EDEM1: variants seen among roughly 807,000 people sequenced by gnomAD.
The protein encoded by EDEM1 is ER degradation enhancing alpha-mannosidase like protein 1, also known as ER degradation-enhancing alpha-mannosidase-like protein 1.
Under a neutral mutation model 74.4 loss-of-function variants are expected in EDEM1, and 67 were observed. The ratio of observed to expected loss-of-function variants is 0.90; its 90% CI spans 0.74 to 1.10. The LOEUF is 1.10. Among genes scored for constraint, EDEM1 ranks in the 50% least tolerant of loss-of-function variants. The pLI, the probability that EDEM1 is intolerant of heterozygous loss-of-function variation, is 0.00. For missense variants in EDEM1, 926 were observed against 851.6 expected (o/e 1.09, Z -1.09); for synonymous variants, 382 against 335.9 (o/e 1.14, Z -1.50).
chr3:5,189,557 G>GA (rs1030493319), intron 1 of EDEM1: 8 of 152,082 alleles, frequency 5.3e-5, no homozygotes, highest in Admixed American at 2.6e-4. Context: ...ATTTTTTTGA[G>GA]AAAAAATATT....
At chr3:5,211,465 G>A in intron 10 of EDEM1, 1 of 433,432 alleles carries the variant, frequency 2.3e-6, no homozygotes, top group South Asian at 2.2e-5. Flanking sequence ...GGAAATCCTG[G>A]TAACGATTGA....
intron 2 of EDEM1, among the ~76,000 whole-genome samples, chr3:5,196,697 A>G (rs376743280): frequency 3.3e-5 from 5 of 152,326 alleles, no homozygotes; most frequent in East Asian, 1.9e-4. Context: ...TAGTTTCCCA[A>G]TATCTCCTTC....
intron 11 of EDEM1, among the ~76,000 whole-genome samples, 200 bp from the exon 12 acceptor site, chr3:5,215,629 G>T (rs188481673): frequency 6.6e-6 from 1 of 152,316 alleles, no homozygotes; most frequent in Non-Finnish European, 1.5e-5. Flanking sequence ...CAGCTGAGGC[G>T]TAGGAGTTGC....
chr3:5,216,643 T>TA lies in EDEM1; in HGVS notation c.*726dup, dbSNP rs1488758135. ...TTGCCTCAAGTAATCTTTACAGTGT[T>TA]ACAAATTATTTGCTTAAGAAGAATG... On this transcript the variant is annotated 3_prime_UTR_variant, in exon 12 of 12. Coordinates refer to ENST00000256497, the MANE Select transcript of EDEM1 (RefSeq NM_014674.3). 3.3e-5 allele frequency: 5 copies of TA among 152,820 alleles called. No individual in the cohort carries two copies. The highest frequency in any genetic ancestry group is 5.9e-5 in the Non-Finnish European group (4 of 68,050). 9.5% of individuals were successfully genotyped at this position (152,820 alleles called of 1,614,324 possible).
rs1264831132 is a variant in EDEM1 at position 5,216,580 on chromosome 3, G to A, written c.*662G>A. 6.6e-6 allele frequency: 1 copy of A among 152,326 alleles called. No individual in the cohort carries two copies. The highest frequency in any genetic ancestry group is 1.5e-5 in the Non-Finnish European group (1 of 68,030). 9.4% of individuals were successfully genotyped at this position (152,326 alleles called of 1,614,324 possible). A position where few individuals can be genotyped will look rare whatever the true frequency, so the allele number is the denominator to read the frequency against. ...TCCCCTGATATCCAACCGTGATTTT[G>A]GATCACATGGGAGAAAAAGTCATCC... On this transcript the variant is annotated 3_prime_UTR_variant, in exon 12 of 12. Transcript: ENST00000256497.
rs767036564 is a variant in EDEM1, at chr3:5,188,108, C to T, written c.303C>T (p.Gly101=). The change falls in exon 1 of 12, where the codon GGC becomes GGT. Residue 101 remains glycine, a synonymous_variant. Transcript: ENST00000256497. The stretch of plus-strand genomic sequence containing the variant: ...GGATGTGCGGCCCAGCCAACTGGGG[C>T]TACGTGCTGGGCGGCCGGGGCCGCG... The part of the protein sequence containing the change: ...GPGMCGPANW[G]YVLGGRGRGP... 7.9e-6 allele frequency: 12 copies of T among 1,516,504 alleles called. 1 individual carries two copies. Among genetic ancestry groups the T allele is most frequent in the African/African-American group, 5.8e-5 (4 of 69,328 alleles). 93.9% of individuals were successfully genotyped at this position (1,516,504 alleles called of 1,614,324 possible). A position where few individuals can be genotyped will look rare whatever the true frequency, so the allele number is the denominator to read the frequency against.
intron 3 of EDEM1, among the ~76,000 whole-genome samples, chr3:5,200,043 C>T (rs1440480398): frequency 6.6e-6 from 1 of 150,530 alleles, no homozygotes; most frequent in East Asian, 2.0e-4. Context: ...TCAAGGCATT[C>T]TCATATCTCA....
intron 1 of EDEM1, among the ~76,000 whole-genome samples, chr3:5,194,241 A>G (rs1301359972): frequency 6.6e-6 from 1 of 152,194 alleles, no homozygotes; most frequent in Non-Finnish European, 1.5e-5. Context: ...GTTGCTAATA[A>G]AATCTTTAAA....
chr3:5,214,292 G>C (rs558444801), intron 11 of EDEM1, among the ~76,000 whole-genome samples: 1 of 152,222 alleles, frequency 6.6e-6, no homozygotes, highest in Non-Finnish European at 1.5e-5. Flanking sequence ...CAGGGCCTTG[G>C]TGGTCAGGAG....
At chr3:5,202,241 T>G (rs1319361830) in intron 4 of EDEM1, among the ~76,000 whole-genome samples, 1 of 152,194 alleles carries the variant, frequency 6.6e-6, no homozygotes, top group African/African-American at 2.4e-5. Context: ...TACAAAGCAG[T>G]GTGGGGAGTT....
At chr3:5,202,560 G>T (rs2055047112) in intron 4 of EDEM1, among the ~76,000 whole-genome samples, 1 of 152,170 alleles carries the variant, frequency 6.6e-6, no homozygotes, top group Non-Finnish European at 1.5e-5. Flanking sequence ...CTCCTTTCTT[G>T]CCCAGTTTGA....
At position 5,218,509 on chromosome 3, in the gene EDEM1, A is replaced by C. The variant is rs578228287; in HGVS notation, c.*2591A>C. ...GTTGCTTTGCTCAGTGCTTTGCCCC[A>C]GGATTGCCTCAAATCTGAGTGGACT... On this transcript the variant is annotated 3_prime_UTR_variant, in exon 12 of 12. Coordinates refer to ENST00000256497, the MANE Select transcript of EDEM1 (RefSeq NM_014674.3). 43 of 152,276 alleles carry C rather than the reference A, an allele frequency of 2.8e-4. No individual in the cohort carries two copies. The highest frequency in any genetic ancestry group is 9.9e-4 in the African/African-American group (41 of 41,554). 9.4% of individuals were successfully genotyped at this position (152,276 alleles called of 1,614,324 possible). A position where few individuals can be genotyped will look rare whatever the true frequency, so the allele number is the denominator to read the frequency against.
At chr3:5,194,103 T>C (rs1483073184) in intron 1 of EDEM1, among the ~76,000 whole-genome samples, 1 of 152,190 alleles carries the variant, frequency 6.6e-6, no homozygotes, top group African/African-American at 2.4e-5. Context: ...GAAGCTTCTC[T>C]GACTGGAAGG....
intron 1 of EDEM1, among the ~76,000 whole-genome samples, chr3:5,190,455 T>A (rs1262269271): frequency 1.3e-5 from 2 of 152,240 alleles, no homozygotes; most frequent in Non-Finnish European, 2.9e-5. Flanking sequence ...TAAAAGCGCT[T>A]CTGGAGAACC....
Position 5,216,101 on chromosome 3 carries a change from A to G in EDEM1, c.*183A>G. 1 of 552,626 alleles carries G rather than the reference A, an allele frequency of 1.8e-6. No homozygotes were observed. Among genetic ancestry groups the G allele is most frequent in the South Asian group, 2.6e-5 (1 of 39,044 alleles). 34.2% of individuals were successfully genotyped at this position (552,626 alleles called of 1,614,324 possible). On this transcript the variant is annotated 3_prime_UTR_variant, in exon 12 of 12. Transcript: ENST00000256497. ...ACACTTCAGTGTTTCTCTCCTGTTC[A>G]ATAAAATGCCCTGTTAAGGATATAA...
chr3:5,198,817 C>T (rs1410151583), intron 2 of EDEM1, among the ~76,000 whole-genome samples: 1 of 151,912 alleles, frequency 6.6e-6, no homozygotes, highest in African/African-American at 2.4e-5. Flanking sequence ...ACAGTATGTC[C>T]TTATGATGTC....
chr3:5,205,384 C>G, intron 6 of EDEM1, 143 bp downstream of exon 6: 1 of 823,480 alleles, frequency 1.2e-6, no homozygotes, highest in Non-Finnish European at 1.8e-6. Context: ...TGTCAGTCAT[C>G]TGGGGGCAAA....
chr3:5,194,646 G>A (rs923886340), intron 1 of EDEM1, among the ~76,000 whole-genome samples: 4 of 152,116 alleles, frequency 2.6e-5, no homozygotes, highest in Admixed American at 2.0e-4. Flanking sequence ...CAGAATTAAC[G>A]GAAATAATCA....
intron 8 of EDEM1, among the ~76,000 whole-genome samples, 174 bp from the exon 9 acceptor site, chr3:5,210,000 CG>C (rs1434098085): frequency 6.6e-6 from 1 of 152,218 alleles, no homozygotes; most frequent in Non-Finnish European, 1.5e-5. Flanking sequence ...TGTGAACTGA[CG>C]GAGTACCTTA....
Sources: gnomAD v4.1 joint callset for allele counts (sites outside exome capture counted in the v4.1 genomes callset) on GRCh38, gnomAD v4.1.1 for gene constraint, MANE v1.5 for transcripts, NCBI Gene and HGNC (gene_info 2026-07-23, HGNC 2026-07-21) for gene names.